Variants in RIC3 observed in about 807,000 individuals in gnomAD.
RIC3 encodes the protein RIC3 acetylcholine receptor chaperone.
RIC3 carries 28 observed loss-of-function variants against 27.3 expected under a neutral mutation model. That is an observed-to-expected ratio of 1.02 (90% CI 0.76 to 1.41). The LOEUF is 1.41. Among genes scored for constraint, RIC3 ranks in the 40% most tolerant of loss-of-function variants. RIC3 has a pLI of 0.00. For missense variants in RIC3, 501 were observed against 444.7 expected, an observed-to-expected ratio of 1.13 and a Z score of -1.14; for synonymous variants, 184 against 160.4, an observed-to-expected ratio of 1.15 and a Z score of -1.11.
intron 1 of RIC3, among the ~76,000 whole-genome samples, chr11:8,141,963 G>A (rs995019410): frequency 7.9e-5 from 12 of 151,510 alleles, no homozygotes; most frequent in Non-Finnish European, 1.8e-4. Flanking sequence ...AAATAAAGAT[G>A]TTCTTTGAAA....
intron 5 of RIC3, among the ~76,000 whole-genome samples, chr11:8,126,074 A>G (rs1946960026): frequency 6.6e-6 from 1 of 152,120 alleles, no homozygotes; most frequent in Non-Finnish European, 1.5e-5. Context: ...ATTACCTTAA[A>G]CCCAAAAATC....
At chr11:8,099,929 C>G in the RIC3 span, among the ~76,000 whole-genome samples, 2 of 152,186 alleles carry the variant, frequency 1.3e-5, no homozygotes, top group Non-Finnish European at 2.9e-5. Context: ...CATGGGGCCA[C>G]GTGCAGGTGA....
the RIC3 span, among the ~76,000 whole-genome samples, chr11:8,094,611 T>G: frequency 6.6e-6 from 1 of 152,194 alleles, no homozygotes; most frequent in Non-Finnish European, 1.5e-5. Flanking sequence ...CTTCGTATAA[T>G]GTGGACTTCC....
chr11:8,161,900 A>AG (rs1565133359), intron 1 of RIC3, among the ~76,000 whole-genome samples: 25 of 146,478 alleles, frequency 1.7e-4, no homozygotes, highest in Admixed American at 1.5e-3. Flanking sequence ...TGTTGCTATA[A>AG]ATGAGACACT....
intron 1 of RIC3, among the ~76,000 whole-genome samples, chr11:8,165,342 T>TAGAAAGGAGTGA (rs1554980887): frequency 3.3e-5 from 5 of 152,148 alleles, no homozygotes; most frequent in Non-Finnish European, 5.9e-5. Flanking sequence ...CACAATGAAA[T>TAGAAAGGAGTGA]ATTATTCAGC....
chr11:8,099,572 C>T, the RIC3 span, among the ~76,000 whole-genome samples: 2 of 152,238 alleles, frequency 1.3e-5, no homozygotes, highest in East Asian at 3.9e-4. Context: ...GTTTGAGGCA[C>T]TAAGGATATA....
chr11:8,158,491 T>C (rs978682197), intron 1 of RIC3, among the ~76,000 whole-genome samples: 1 of 152,002 alleles, frequency 6.6e-6, no homozygotes, highest in Non-Finnish European at 1.5e-5. Context: ...TCAACTACCC[T>C]GCAACCTATT....
In RIC3 at chr11:8,117,232, A is replaced by G. The variant is rs112684218; in HGVS notation, c.671-6095T>C. ...TAGACACATGCCACCATGCCTAGCA[A>G]ATTTTTGTATTTTGTGGAGACAGGG... On this transcript the variant is annotated intron_variant, in intron 5 of 5. Transcript: ENST00000309737. 5.3e-3 allele frequency among the ~76,000 whole-genome samples: 813 copies of G among 152,092 alleles called. 4 individuals are homozygous for G. The highest frequency in any genetic ancestry group is 0.019 in the African/African-American group (780 of 41,472).
intron 1 of RIC3, among the ~76,000 whole-genome samples, chr11:8,151,581 G>A (rs1428595526): frequency 1.3e-4 from 6 of 45,388 alleles, no homozygotes; most frequent in African/African-American, 1.0e-3. Flanking sequence ...GTGAAACTCC[G>A]TCTCAAAAAA....
chr11:8,156,627 C>CT (rs1565117436), intron 1 of RIC3, among the ~76,000 whole-genome samples: 2 of 152,164 alleles, frequency 1.3e-5, no homozygotes, highest in Non-Finnish European at 2.9e-5. Flanking sequence ...TCTCACCATG[C>CT]TTTGAACCTG....
At chr11:8,104,996 T>C (rs529058757), downstream of RIC3, 8 of 152,106 alleles carry the variant, frequency 5.3e-5, no homozygotes, top group African/African-American at 1.9e-4. Flanking sequence ...ACTTAGCATT[T>C]AGAGGTAATT....
At chr11:8,120,963 A>G (rs980354976) in intron 5 of RIC3, among the ~76,000 whole-genome samples, 2 of 152,208 alleles carry the variant, frequency 1.3e-5, no homozygotes, top group Non-Finnish European at 2.9e-5. Flanking sequence ...AGTATTCAGT[A>G]CACAATACTA....
intron 1 of RIC3, among the ~76,000 whole-genome samples, chr11:8,142,026 A>C (rs1163471265): frequency 5.3e-5 from 8 of 151,052 alleles, no homozygotes; most frequent in African/African-American, 2.0e-4. Flanking sequence ...CATTCAAAGC[A>C]GTGTGTAGAG....
At position 8,106,243 on chromosome 11, in the gene RIC3, A is replaced by C. The variant is rs892582512; in HGVS notation, c.*4455T>G. The C allele has an allele frequency of 2.6e-5, 4 of 152,156 alleles. No individual in the cohort carries two copies. The highest frequency in any genetic ancestry group is 7.2e-5 in the African/African-American group (3 of 41,422). The allele number at this position is 152,156 out of a possible 1,614,324, so 9.4% of individuals were successfully genotyped here. On this transcript the variant is annotated 3_prime_UTR_variant, in exon 6 of 6. Transcript: ENST00000309737. ...CAAATTAAACTTGAATCGTTTCAAC[A>C]CTTCTGTGTACTTTTTTCATAAAGG... is the stretch of plus-strand genomic sequence containing the variant.
At chr11:8,097,549 C>G in the RIC3 span, 1 of 1,397,068 alleles carries the variant, frequency 7.2e-7, no homozygotes. Context: ...AAACTGCCTT[C>G]GTGTCTGGTC....
At chr11:8,105,557 T>G (rs1235379341), downstream of RIC3, 1 of 152,216 alleles carries the variant, frequency 6.6e-6, no homozygotes, top group Non-Finnish European at 1.5e-5. Flanking sequence ...CTACTGCACT[T>G]AGTAGCTATG....
At chr11:8,140,610 A>G (rs113513296) in intron 1 of RIC3, among the ~76,000 whole-genome samples, 24 of 152,242 alleles carry the variant, frequency 1.6e-4, no homozygotes, top group African/African-American at 5.5e-4. Context: ...CCACGGGTAG[A>G]AACAGCAAAG....
In RIC3 at chr11:8,119,803, A is replaced by C. The variant is rs554590304; in HGVS notation, c.670+6856T>G. ...ATTTTTGCAATCTACCCATCTGACA[A>C]AGGGCTAATATCTAGAATCTACAAA... On this transcript the variant is annotated intron_variant, in intron 5 of 5. Transcript: ENST00000309737. 3.3e-5 allele frequency among the ~76,000 whole-genome samples: 5 copies of C among 152,338 alleles called. No homozygotes were observed. In the South Asian group the frequency reaches 1.0e-3, roughly 32 times the overall value.
In RIC3 at chr11:8,109,117, A is replaced by G. The variant is rs1012986409; in HGVS notation, c.*1581T>C. On this transcript the variant is annotated 3_prime_UTR_variant, in exon 6 of 6. Transcript: ENST00000309737. Reference sequence around the variant, plus strand: ...GTCTTGAATGACTTTCTGTAACTCAATTAACAATAAATGCCTAGTAGTAGC... The same window carrying G: ...GTCTTGAATGACTTTCTGTAACTCAGTTAACAATAAATGCCTAGTAGTAGC... The G allele has an allele frequency of 6.6e-6, 1 of 152,244 alleles. No homozygotes were observed. Among genetic ancestry groups the G allele is most frequent in the Non-Finnish European group, 1.5e-5 (1 of 68,034 alleles). The allele number at this position is 152,244 out of a possible 1,614,324, so 9.4% of individuals were successfully genotyped here.
Sources: gnomAD v4.1 joint callset for allele counts (sites outside exome capture counted in the v4.1 genomes callset) on GRCh38, gnomAD v4.1.1 for gene constraint, MANE v1.5 for transcripts, NCBI Gene and HGNC (gene_info 2026-07-23, HGNC 2026-07-21) for gene names.